Variants in BRSK2 observed in about 807,000 individuals in gnomAD.
BRSK2 encodes the protein serine/threonine-protein kinase BRSK2.
BRSK2 carries 19 observed loss-of-function variants against 83.3 expected under a neutral mutation model. The ratio of observed to expected loss-of-function variants is 0.23; its 90% CI spans 0.16 to 0.33. BRSK2 has a LOEUF of 0.33. BRSK2 is among the 10% of genes least tolerant of loss of function. BRSK2 has a pLI of 1.00. For missense variants in BRSK2, 798 were observed against 1,042.3 expected (o/e 0.77, Z 3.23); for synonymous variants, 519 against 435.4 (o/e 1.19, Z -2.39).
In BRSK2 at chr11:1,411,622, C is replaced by G; in HGVS notation, c.91+21247C>G. The stretch of plus-strand genomic sequence containing the variant: ...GGCCAGACCTGGCTCTGCCTGCAGC[C>G]CAGCCCAGCAGGTGCGTGCCACGCT... On this transcript the variant is annotated intron_variant, in intron 1 of 19. Coordinates refer to ENST00000528841, the MANE Select transcript of BRSK2 (RefSeq NM_001256627.2). 1.9e-6 allele frequency: 3 copies of G among 1,556,610 alleles called. No homozygotes were observed. The South Asian group carries it at 3.5e-5, about 18-fold the overall frequency.
intron 1 of BRSK2, among the ~76,000 whole-genome samples, chr11:1,429,317 G>A (rs56218661): frequency 0.11 from 12,982 of 113,324 alleles, 749 homozygotes; most frequent in South Asian, 0.18. Context: ...GTGTGTGTGC[G>A]TGTGCGCACA....
chr11:1,447,359 C>T (rs994393812), intron 12 of BRSK2, among the ~76,000 whole-genome samples: 24 of 152,294 alleles, frequency 1.6e-4, no homozygotes, highest in African/African-American at 5.5e-4. Flanking sequence ...CGGTCAGCGG[C>T]GTGGGAGGCC....
intron 1 of BRSK2, among the ~76,000 whole-genome samples, chr11:1,394,691 A>G (rs1554884882): frequency 8.1e-6 from 1 of 123,978 alleles, no homozygotes; most frequent in African/African-American, 3.2e-5. Flanking sequence ...GGTCCTGGAG[A>G]TGGGTCCTGG....
chr11:1,457,997 G>T (rs944076729), intron 18 of BRSK2, among the ~76,000 whole-genome samples: 1 of 152,312 alleles, frequency 6.6e-6, no homozygotes, highest in African/African-American at 2.4e-5. Flanking sequence ...TCCCTACAGC[G>T]GAGGCCATGC....
intron 12 of BRSK2, among the ~76,000 whole-genome samples, chr11:1,447,420 G>A (rs1288093689): frequency 6.6e-6 from 1 of 152,136 alleles, no homozygotes; most frequent in Non-Finnish European, 1.5e-5. Context: ...TGGGGCAGGT[G>A]TGGGATGGGC....
chr11:1,447,647 C>G, intron 12 of BRSK2: 2 of 727,966 alleles, frequency 2.7e-6, no homozygotes, highest in Non-Finnish European at 4.7e-6. Context: ...GCGGGGTGTG[C>G]TGTCTGGCCC....
intron 18 of BRSK2, chr11:1,456,965 A>C: frequency 6.3e-7 from 1 of 1,596,764 alleles, no homozygotes; most frequent in Non-Finnish European, 8.5e-7. Flanking sequence ...AACCCCCCCC[A>C]CCAGCGCCAG....
intron 1 of BRSK2, among the ~76,000 whole-genome samples, chr11:1,429,148 A>AC (rs1849627745): frequency 8.3e-6 from 1 of 119,976 alleles, no homozygotes; most frequent in Non-Finnish European, 1.7e-5. Flanking sequence ...GCACGTGTGC[A>AC]TGGGTGTGTG....
At chr11:1,447,290 C>T (rs913352187) in intron 12 of BRSK2, among the ~76,000 whole-genome samples, 8 of 152,218 alleles carry the variant, frequency 5.3e-5, no homozygotes, top group African/African-American at 7.2e-5. Flanking sequence ...TGCGTGGCCA[C>T]CTCCCCGGAC....
Position 1,456,626 on chromosome 11 carries a change from G to T in BRSK2, c.1878G>T (p.Val626=). ...CCAGCCGTCGCTTCAAGAGGGTGGT[G>T]GAGACCATCCAGGCCCAGCTGCTGA... The part of the protein sequence containing the change: ...SGPSRRFKRV[V]ETIQAQLLST... Residue 626 remains valine (V), a synonymous_variant, in exon 18 of 20, where the codon GTG becomes GTT. Transcript: ENST00000528841. The T allele has an allele frequency of 1.2e-6, 2 of 1,611,220 alleles. No homozygotes were observed. Among genetic ancestry groups the T allele is most frequent in the Non-Finnish European group, 1.7e-6 (2 of 1,179,440 alleles).
intron 16 of BRSK2, 47 bp from the exon 17 acceptor site, chr11:1,456,301 G>C (rs1357508713): frequency 6.7e-7 from 1 of 1,502,656 alleles, no homozygotes; most frequent in African/African-American, 1.4e-5. Context: ...GAGGGCCAGG[G>C]TGGGACCTGC....
At chr11:1,416,311 G>A (rs369968284) in intron 1 of BRSK2, among the ~76,000 whole-genome samples, 66 of 152,304 alleles carry the variant, frequency 4.3e-4, no homozygotes, top group Middle Eastern at 6.8e-3. Context: ...CACACAGCCC[G>A]TGGACTGCAG....
chr11:1,427,285 C>T (rs1478129463), intron 1 of BRSK2, among the ~76,000 whole-genome samples: 1 of 152,204 alleles, frequency 6.6e-6, no homozygotes, highest in East Asian at 1.9e-4. Context: ...AGGGGCTGTC[C>T]TGCTGCCTCG....
At chr11:1,424,037 G>C (rs557169161) in intron 1 of BRSK2, among the ~76,000 whole-genome samples, 30 of 152,306 alleles carry the variant, frequency 2.0e-4, no homozygotes, top group Non-Finnish European at 4.0e-4. Context: ...CCATAACTTA[G>C]AAACCTCTGC....
At chr11:1,449,987 G>C in intron 13 of BRSK2, 151 bp downstream of exon 13, 1 of 597,206 alleles carries the variant, frequency 1.7e-6, no homozygotes, top group Non-Finnish European at 3.0e-6. Flanking sequence ...CTGCTGCTCT[G>C]TGGCGCAGGC....
intron 1 of BRSK2, among the ~76,000 whole-genome samples, chr11:1,405,383 G>T (rs1369252637): frequency 6.6e-6 from 1 of 152,132 alleles, no homozygotes; most frequent in Non-Finnish European, 1.5e-5. Flanking sequence ...TGTGTGTGCA[G>T]GTGCCAGCCT....
rs1013100859 is a variant in BRSK2, at chr11:1,411,617, G to GCAGCC, written c.91+21252_91+21256dup. 28 of 1,561,476 alleles carry GCAGCC rather than the reference G, an allele frequency of 1.8e-5. No individual in the cohort carries two copies. Among genetic ancestry groups the GCAGCC allele is most frequent in the African/African-American group, 9.5e-5 (7 of 73,756 alleles). On this transcript the variant is annotated intron_variant, in intron 1 of 19. Transcript: ENST00000528841. ...CTCAAGGCCAGACCTGGCTCTGCCTGCAGCCCAGCCCAGCAGGTGCGTGCC... is the reference window on the plus strand; with the variant it reads ...CTCAAGGCCAGACCTGGCTCTGCCTGCAGCCCAGCCCAGCCCAGCAGGTGCGTGCC...
chr11:1,400,602 C>T (rs562718062), intron 1 of BRSK2, among the ~76,000 whole-genome samples: 2 of 152,306 alleles, frequency 1.3e-5, no homozygotes, highest in African/African-American at 4.8e-5. Flanking sequence ...CCCTGCCCGC[C>T]TGGGGACACA....
chr11:1,429,129 G>A (rs578203062), intron 1 of BRSK2, among the ~76,000 whole-genome samples: 2 of 149,238 alleles, frequency 1.3e-5, no homozygotes, highest in African/African-American at 5.0e-5. Flanking sequence ...GTGTGCACTG[G>A]GTGTGTGTGC....
Sources: allele counts gnomAD v4.1 joint callset (sites outside exome capture counted in the v4.1 genomes callset), GRCh38; gene constraint gnomAD v4.1.1; transcripts MANE v1.5; gene names NCBI Gene and HGNC (gene_info 2026-07-23, HGNC 2026-07-21).